Variants in BRD7 observed in about 807,000 individuals in gnomAD.
BRD7 encodes the protein bromodomain containing 7, also known as bromodomain-containing protein 7.
Under a neutral mutation model 82.1 loss-of-function variants are expected in BRD7, and 15 were observed. The ratio of observed to expected loss-of-function variants is 0.18; its 90% CI spans 0.12 to 0.28. The LOEUF (loss-of-function observed/expected upper bound fraction) is 0.28, where lower values mean the gene tolerates loss of function less well. Among genes scored for constraint, BRD7 ranks in the 10% least tolerant of loss-of-function variants. The pLI is 1.00. For missense variants in BRD7, 638 were observed against 779.9 expected, an observed-to-expected ratio of 0.82 and a Z score of 2.17; for synonymous variants, 232 against 266.9, an observed-to-expected ratio of 0.87 and a Z score of 1.27.
At chr16:50,330,282 T>C (rs2151148618) in intron 8 of BRD7, among the ~76,000 whole-genome samples, 1 of 151,750 alleles carries the variant, frequency 6.6e-6, no homozygotes, top group African/African-American at 2.4e-5. Context: ...CTTAAAGGGC[T>C]CCCTCTTGAA....
At chr16:50,327,660 A>T (rs1287934318) in intron 9 of BRD7, among the ~76,000 whole-genome samples, 1 of 152,084 alleles carries the variant, frequency 6.6e-6, no homozygotes, top group African/African-American at 2.4e-5. Context: ...CCTAAACATC[A>T]TCTCCTTAAG....
chr16:50,326,467 G>T, intron 9 of BRD7, 76 bp from the exon 10 acceptor site: 1 of 964,356 alleles, frequency 1.0e-6, no homozygotes, highest in Non-Finnish European at 1.5e-6. Context: ...GAGTGACTCC[G>T]CACAAACCAC....
intron 8 of BRD7, among the ~76,000 whole-genome samples, chr16:50,329,402 A>T (rs2037466409): frequency 6.6e-6 from 1 of 152,146 alleles, no homozygotes; most frequent in East Asian, 1.9e-4. Flanking sequence ...TCTCACTGCC[A>T]CCCAAGACAT....
intron 9 of BRD7, 54 bp downstream of exon 9, chr16:50,328,615 A>G: frequency 6.7e-7 from 1 of 1,485,210 alleles, no homozygotes; most frequent in African/African-American, 1.4e-5. Context: ...AACCCAGGTT[A>G]CTGTTCTCTG....
In BRD7 at chr16:50,316,514, CTCT is replaced by C. The variant is rs1422547547; in HGVS notation, c.*2694_*2696del. On this transcript the variant is annotated 3_prime_UTR_variant, in exon 17 of 17. Coordinates refer to ENST00000394688, the MANE Select transcript of BRD7 (RefSeq NM_013263.5). ...CAACTTGGACAACCTGTGAGTGCATCTCTTCTTTCCTTTAGTCTTCACAGCTAA... is the reference window on the plus strand; with the variant it reads ...CAACTTGGACAACCTGTGAGTGCATCTCTTTCCTTTAGTCTTCACAGCTAA... 1.3e-5 allele frequency: 2 copies of C among 152,334 alleles called. No homozygotes were observed. Among genetic ancestry groups the C allele is most frequent in the Non-Finnish European group, 2.9e-5 (2 of 68,038 alleles). 9.4% of individuals were successfully genotyped at this position (152,334 alleles called of 1,614,324 possible).
intron 8 of BRD7, among the ~76,000 whole-genome samples, chr16:50,330,668 T>C (rs1272259757): frequency 1.3e-5 from 2 of 152,156 alleles, no homozygotes; most frequent in Admixed American, 1.3e-4. Flanking sequence ...ACTACCAAAA[T>C]ATACGAAAGA....
chr16:50,322,914 A>C (rs913131402), intron 12 of BRD7, among the ~76,000 whole-genome samples: 2 of 152,348 alleles, frequency 1.3e-5, no homozygotes, highest in Middle Eastern at 6.8e-3. Flanking sequence ...CTCTGCTGAC[A>C]GGTCACCCAG....
At chr16:50,362,078 T>C (rs2038955962) in intron 2 of BRD7, among the ~76,000 whole-genome samples, 3 of 152,226 alleles carry the variant, frequency 2.0e-5, no homozygotes, top group Admixed American at 2.0e-4. Flanking sequence ...TCTCAGGGCA[T>C]ATAGTTGACC....
At position 50,368,168 on chromosome 16, in the gene BRD7, G is replaced by A. The variant is rs1294646918; in HGVS notation, c.180C>T (p.Asp60=). ...EDKNDHDKHK[D]RKRKKRKKGE... ...CTTTCTTTCTCTTTTTCCGCTTTCT[G>A]TCCTTGTGTTTGTCATGATCGTTTT... is the stretch of plus-strand genomic sequence containing the variant. The change falls in exon 2 of 17, where the codon GAC becomes GAT. Residue 60 remains aspartate (D), a synonymous_variant. Transcript: ENST00000394688. The A allele has an allele frequency of 1.2e-6, 2 of 1,614,068 alleles. No individual in the cohort carries two copies. Among genetic ancestry groups the A allele is most frequent in the East Asian group, 4.5e-5 (2 of 44,888 alleles).
At chr16:50,365,408 C>T (rs183684218) in intron 2 of BRD7, among the ~76,000 whole-genome samples, 10 of 152,314 alleles carry the variant, frequency 6.6e-5, no homozygotes, top group African/African-American at 2.4e-4. Context: ...CATCAACTGA[C>T]AAACTCTGTC....
rs989232775 is a variant in BRD7 at position 50,316,048 on chromosome 16, A to G, written c.*3163T>C. ...TCTGTAAACGGTTTCAAACAGGTAG[A>G]GAGAAAAACACCACAATTAACACTG... On this transcript the variant is annotated 3_prime_UTR_variant, in exon 17 of 17. Transcript: ENST00000394688. The G allele has an allele frequency of 6.5e-6, 1 of 153,346 alleles. No individual in the cohort carries two copies. The highest frequency in any genetic ancestry group is 2.4e-5 in the African/African-American group (1 of 41,478). The allele number at this position is 153,346 out of a possible 1,614,324, so 9.5% of individuals were successfully genotyped here.
intron 4 of BRD7, among the ~76,000 whole-genome samples, chr16:50,352,273 C>T (rs1470211936): frequency 6.6e-6 from 1 of 152,238 alleles, no homozygotes; most frequent in African/African-American, 2.4e-5. Context: ...AATCATTACA[C>T]TTATGAACTA....
chr16:50,323,690 T>G lies in BRD7; in HGVS notation c.1340A>C (p.Glu447Ala). The G allele has an allele frequency of 6.2e-7, 1 of 1,613,090 alleles. No homozygotes were observed. Among genetic ancestry groups the G allele is most frequent in the Non-Finnish European group, 8.5e-7 (1 of 1,179,120 alleles). Reference sequence around the variant, plus strand: ...ATAATCTTGGCACGTGGCCAAAAACTCATGGATGCTGCAAGAGACAGTTAG... The same window carrying G: ...ATAATCTTGGCACGTGGCCAAAAACGCATGGATGCTGCAAGAGACAGTTAG... ...SDLPSDFSIHEFLATCQDYPY... is the reference protein window; with the variant it reads ...SDLPSDFSIHAFLATCQDYPY... The change falls in exon 12 of 17, where the codon GAG becomes GCG. Residue 447 changes from glutamate (E) to alanine (A), a missense_variant. Physicochemically the swap from Glu to Ala is moderately radical, Grantham distance 107. Coordinates refer to ENST00000394688, the MANE Select transcript of BRD7 (RefSeq NM_013263.5).
intron 2 of BRD7, among the ~76,000 whole-genome samples, chr16:50,362,209 C>A (rs887856507): frequency 6.6e-6 from 1 of 152,186 alleles, no homozygotes; most frequent in African/African-American, 2.4e-5. Context: ...CTCTCAGGAG[C>A]CTCAGAACTA....
rs142576342 is a variant in BRD7, at chr16:50,350,101, G to C, written c.513C>G (p.Ile171Met). 2.5e-5 allele frequency: 40 copies of C among 1,604,452 alleles called. No individual in the cohort carries two copies. Among genetic ancestry groups the C allele is most frequent in the Admixed American group, 2.0e-4 (12 of 58,610 alleles). Residue 171 changes from isoleucine (I) to methionine (M), a missense_variant, in exon 5 of 17, where the codon ATC becomes ATG. By Grantham distance (10) the Ile-to-Met change is conservative. Transcript: ENST00000394688. ...TDFIAPGYSM[I>M]IKHPMDFSTM... ...TACTAAAATCCATTGGGTGTTTAATGATCATGGAGTAGCCAGGAGCAATAA... is the reference window on the plus strand; with the variant it reads ...TACTAAAATCCATTGGGTGTTTAATCATCATGGAGTAGCCAGGAGCAATAA...
rs1385621608 is a variant in BRD7 at position 50,319,890 on chromosome 16, C to A, written c.1897G>T (p.Glu633Ter). 1 of 1,611,532 alleles carries A rather than the reference C, an allele frequency of 6.2e-7. No individual in the cohort carries two copies. The change falls in exon 16 of 17, where the codon GAA (glutamate) becomes TAA (stop). Residue 633 changes from glutamate to a stop codon, truncating the protein, a stop_gained. Transcript: ENST00000394688. LOFTEE classifies it high-confidence loss of function. Reference protein sequence around the residue: ...VMENNFVDLTEDTEEPKKTDV... With the variant: ...VMENNFVDLT Reference sequence around the variant, plus strand: ...CCAGAGAAAACAGGGCACGTACCTTCTGTCAAATCCACAAAGTTGTTTTCC... The same window carrying A: ...CCAGAGAAAACAGGGCACGTACCTTATGTCAAATCCACAAAGTTGTTTTCC...
chr16:50,328,796 C>G, intron 8 of BRD7, 52 bp from the exon 9 acceptor site: 1 of 1,522,676 alleles, frequency 6.6e-7, no homozygotes, highest in Non-Finnish European at 9.1e-7. Context: ...TACAAACAGG[C>G]TGAGTATCCT....
At chr16:50,365,228 A>G (rs1413306292) in intron 2 of BRD7, among the ~76,000 whole-genome samples, 1 of 152,230 alleles carries the variant, frequency 6.6e-6, no homozygotes, top group Non-Finnish European at 1.5e-5. Context: ...CCCCTGCCCC[A>G]TAGTTGGCTC....
At chr16:50,356,420 TTG>T (rs1462269978) in intron 2 of BRD7, among the ~76,000 whole-genome samples, 1 of 152,178 alleles carries the variant, frequency 6.6e-6, no homozygotes, top group Non-Finnish European at 1.5e-5. Context: ...GATTAATAAA[TTG>T]TGTCATATTT....
Sources: allele counts gnomAD v4.1 joint callset (sites outside exome capture counted in the v4.1 genomes callset), GRCh38; gene constraint gnomAD v4.1.1; transcripts MANE v1.5; gene names NCBI Gene and HGNC (gene_info 2026-07-23, HGNC 2026-07-21).